ZNF385D: variants seen among roughly 807,000 people sequenced by gnomAD.
ZNF385D encodes zinc finger protein 659.
ZNF385D carries 15 observed loss-of-function variants against 35.8 expected under a neutral mutation model. The ratio of observed to expected loss-of-function variants is 0.42; its 90% confidence interval spans 0.28 to 0.64. ZNF385D has a LOEUF of 0.64. ZNF385D is among the 30% of genes least tolerant of loss of function. The pLI is 0.23. For synonymous variants in ZNF385D, 212 were observed against 186.8 expected (o/e 1.13, Z -1.10); for missense variants, 474 against 494.6 (o/e 0.96, Z 0.39).
intron 3 of ZNF385D, among the ~76,000 whole-genome samples, chr3:21,886,336 G>A (rs1304846215): frequency 6.7e-6 from 1 of 150,056 alleles, no homozygotes; most frequent in African/African-American, 2.5e-5. Context: ...TGTAGATTTA[G>A]TAACCGAATC....
chr3:21,737,486 C>CAT (rs2069301881), intron 1 of ZNF385D, among the ~76,000 whole-genome samples: 1 of 151,858 alleles, frequency 6.6e-6, no homozygotes, highest in African/African-American at 2.4e-5. Context: ...CACACACACA[C>CAT]ACATACACAT....
At chr3:22,312,192 G>C (rs76746294) in intron 2 of ZNF385D, among the ~76,000 whole-genome samples, 4,585 of 152,186 alleles carry the variant, frequency 0.03, 93 homozygotes, top group Non-Finnish European at 0.044. Flanking sequence ...GGCTTGTGCC[G>C]ATACTGTTCT....
chr3:21,975,629 G>C (rs945394224), intron 3 of ZNF385D, among the ~76,000 whole-genome samples: 1 of 149,392 alleles, frequency 6.7e-6, no homozygotes, highest in Non-Finnish European at 1.5e-5. Flanking sequence ...TTTACACATT[G>C]TATACTTTTA....
rs2125556283 is a variant in ZNF385D, at chr3:21,750,983, G to A, written c.-67C>T. Reference sequence around the variant, plus strand: ...AGCTCTCACCCAAGGCTGGCACGTAGAGCAGAGCCCTTTCATGCTACATTC... The same window carrying A: ...AGCTCTCACCCAAGGCTGGCACGTAAAGCAGAGCCCTTTCATGCTACATTC... On this transcript the variant is annotated 5_prime_UTR_variant, in exon 1 of 8. Transcript: ENST00000281523. 2 of 1,613,262 alleles carry A rather than the reference G, an allele frequency of 1.2e-6. No individual in the cohort carries two copies. The highest frequency in any genetic ancestry group is 2.2e-5 in the East Asian group (1 of 44,850).
chr3:22,130,729 C>G (rs1185283476), intron 3 of ZNF385D, among the ~76,000 whole-genome samples: 1 of 152,062 alleles, frequency 6.6e-6, no homozygotes, highest in Non-Finnish European at 1.5e-5. Flanking sequence ...CCTTTTCTAC[C>G]ATCTTTCCTG....
intron 1 of ZNF385D, among the ~76,000 whole-genome samples, chr3:21,747,822 A>G (rs972668695): frequency 6.6e-6 from 1 of 152,238 alleles, no homozygotes; most frequent in Non-Finnish European, 1.5e-5. Context: ...GAAGTCTCCC[A>G]GCTGCCTTGC....
At chr3:21,957,570 A>G (rs887355464) in intron 3 of ZNF385D, among the ~76,000 whole-genome samples, 3 of 152,096 alleles carry the variant, frequency 2.0e-5, no homozygotes, top group Non-Finnish European at 4.4e-5. Flanking sequence ...CTCACATGGC[A>G]CAAGCCTACC....
Position 21,615,865 on chromosome 3 carries a change from C to T in ZNF385D, c.165+49021G>A, listed in dbSNP as rs771216367. Among the ~76,000 whole-genome samples, 19 of 149,738 alleles carry T rather than the reference C, an allele frequency of 1.3e-4. No individual in the cohort carries two copies. In the South Asian group the frequency reaches 1.9e-3, roughly 15 times the overall value. ...TGCAAAGACCCCATTATTCAGTGAA[C>T]GAGGGGAAAAGGCATACCAAGCTAA... is the stretch of plus-strand genomic sequence containing the variant. On this transcript the variant is annotated intron_variant, in intron 2 of 7. Coordinates refer to ENST00000281523, the MANE Select transcript of ZNF385D (RefSeq NM_024697.3).
intron 2 of ZNF385D, among the ~76,000 whole-genome samples, chr3:22,265,726 C>T (rs1361337730): frequency 6.6e-6 from 1 of 151,870 alleles, no homozygotes; most frequent in African/African-American, 2.4e-5. Context: ...TCCTGGGCCT[C>T]CCGGACAAAG....
chr3:22,291,753 G>A (rs572809405), intron 2 of ZNF385D, among the ~76,000 whole-genome samples: 1 of 151,984 alleles, frequency 6.6e-6, no homozygotes, highest in South Asian at 2.1e-4. Flanking sequence ...AGGTTTTATT[G>A]CAGATTTACT....
chr3:21,580,224 G>A lies in ZNF385D; in HGVS notation c.166-15540C>T, dbSNP rs552795205. 7.2e-5 allele frequency among the ~76,000 whole-genome samples: 11 copies of A among 152,222 alleles called. No homozygotes were observed. In the South Asian group the frequency reaches 1.2e-3, roughly 17 times the overall value. ...TTTCTTGCCTGCCCCTGTTCTGGAC[G>A]TGACCAATTTTAGCCTCAAAGAATT... On this transcript the variant is annotated intron_variant, in intron 2 of 7. Coordinates refer to ENST00000281523, the MANE Select transcript of ZNF385D (RefSeq NM_024697.3).
At chr3:21,775,561 A>G (rs17009542) in intron 3 of ZNF385D, among the ~76,000 whole-genome samples, 2,295 of 151,992 alleles carry the variant, frequency 0.015, 71 homozygotes, top group African/African-American at 0.052. Flanking sequence ...TTCTTTAGCA[A>G]TTAAGACCCT....
chr3:21,914,212 G>T (rs1172978475), intron 3 of ZNF385D, among the ~76,000 whole-genome samples: 1 of 152,086 alleles, frequency 6.6e-6, no homozygotes, highest in Admixed American at 6.6e-5. Flanking sequence ...ATTCAAGCAT[G>T]ACATAATGTG....
At chr3:21,988,386 C>T (rs1403707575) in intron 3 of ZNF385D, among the ~76,000 whole-genome samples, 8 of 128,136 alleles carry the variant, frequency 6.2e-5, no homozygotes, top group Admixed American at 5.2e-4. Context: ...TTCCTTCTAA[C>T]AGACAGGACC....
chr3:22,185,489 G>C (rs556850159), intron 2 of ZNF385D, among the ~76,000 whole-genome samples: 1 of 151,924 alleles, frequency 6.6e-6, no homozygotes, highest in African/African-American at 2.4e-5. Flanking sequence ...CTTTCTTTTT[G>C]AGATGGAGTC....
chr3:21,807,101 T>C (rs191400034), intron 3 of ZNF385D, among the ~76,000 whole-genome samples: 1 of 152,260 alleles, frequency 6.6e-6, no homozygotes, highest in East Asian at 1.9e-4. Flanking sequence ...CCAGTAAAAA[T>C]ATAATGTGAA....
intron 2 of ZNF385D, among the ~76,000 whole-genome samples, chr3:22,184,139 C>G (rs1007946897): frequency 6.6e-6 from 1 of 152,202 alleles, no homozygotes; most frequent in Admixed American, 6.6e-5. Flanking sequence ...GTAACATGTT[C>G]AAGTTGTGTG....
rs1479051646 is a variant in ZNF385D, at chr3:21,425,604, G to T, written c.740C>A (p.Ala247Glu). ...GSGTIKAFPR[A>E]GVKGKGPVNK... ...AACAGGTCCTTTGCCTTTCACTCCT[G>T]CCCTAGGAAAGGCTTTGATAGTGCC... The change falls in exon 6 of 8, where the codon GCA becomes GAA. Residue 247 changes from alanine (A) to glutamate (E), a missense_variant. By Grantham distance (107) the Ala-to-Glu change is moderately radical (BLOSUM62 -1). Coordinates refer to ENST00000281523, the MANE Select transcript of ZNF385D (RefSeq NM_024697.3). 1 of 1,606,390 alleles carries T rather than the reference G, an allele frequency of 6.2e-7. No homozygotes were observed. Among genetic ancestry groups the T allele is most frequent in the African/African-American group, 1.3e-5 (1 of 74,566 alleles).
chr3:22,067,426 C>T (rs917293284), intron 3 of ZNF385D, among the ~76,000 whole-genome samples: 2 of 152,182 alleles, frequency 1.3e-5, no homozygotes, highest in Non-Finnish European at 2.9e-5. Flanking sequence ...AGGGCAATAA[C>T]AGGTAACAGA....
Sources: allele counts gnomAD v4.1 joint callset (sites outside exome capture counted in the v4.1 genomes callset), GRCh38; gene constraint gnomAD v4.1.1; transcripts MANE v1.5; gene names NCBI Gene and HGNC (gene_info 2026-07-23, HGNC 2026-07-21).